Variants in GNG12 observed in about 807,000 individuals in gnomAD.
GNG12 encodes the protein guanine nucleotide-binding protein G(I)/G(S)/G(O) subunit gamma-12.
For missense variants in GNG12, 69 were observed against 83.8 expected, an observed-to-expected ratio of 0.82 and a Z score of 0.69; for synonymous variants, 28 against 29.7, an observed-to-expected ratio of 0.94 and a Z score of 0.19.
At chr1:67,709,385 A>G (rs1297305922) in intron 2 of GNG12, among the ~76,000 whole-genome samples, 1 of 152,170 alleles carries the variant, frequency 6.6e-6, no homozygotes, top group Non-Finnish European at 1.5e-5. Context: ...GGGTGGGGCT[A>G]TCGGCACCAG....
chr1:67,748,913 CAT>C (rs1168768497), intron 2 of GNG12, among the ~76,000 whole-genome samples: 1 of 152,072 alleles, frequency 6.6e-6, no homozygotes, highest in Admixed American at 6.5e-5. Flanking sequence ...TTCCATAACA[CAT>C]GTGAAGTCCA....
At chr1:67,756,379 T>G (rs751181996) in intron 2 of GNG12, among the ~76,000 whole-genome samples, 1 of 152,152 alleles carries the variant, frequency 6.6e-6, no homozygotes, top group African/African-American at 2.4e-5. Flanking sequence ...GCAAGGCCAG[T>G]TGAGGGGCTG....
At chr1:67,833,014 C>A (rs1256924037) in intron 1 of GNG12, among the ~76,000 whole-genome samples, 2 of 152,212 alleles carry the variant, frequency 1.3e-5, no homozygotes, top group Admixed American at 6.5e-5. Flanking sequence ...CCAGCCCTAG[C>A]CCCAGCCACA....
rs768444205 is a variant in GNG12, at chr1:67,705,531, C to A, written c.139G>T (p.Ala47Ser). The A allele has an allele frequency of 1.2e-6, 2 of 1,614,096 alleles. No individual in the cohort carries two copies. The highest frequency in any genetic ancestry group is 3.3e-5 in the Admixed American group (2 of 60,008). Residue 47 changes from alanine to serine, a missense_variant, in exon 4 of 4, where the codon GCC becomes TCC. Ala to Ser is a moderately conservative substitution (Grantham distance 99, BLOSUM62 1). Coordinates refer to ENST00000370982, the MANE Select transcript of GNG12 (RefSeq NM_018841.6). ...CCTATCAGCAAAGGGTCACTCCTGG[C>A]ATGTTCCTCACAGTAGGACATGAGG... ...ADLMSYCEEH[A>S]RSDPLLIGIP...
intron 2 of GNG12, among the ~76,000 whole-genome samples, chr1:67,751,931 A>G (rs1270411441): frequency 6.6e-6 from 1 of 152,240 alleles, no homozygotes; most frequent in African/African-American, 2.4e-5. Context: ...TAAGTGGCAC[A>G]ACAGAGATGC....
intron 1 of GNG12, among the ~76,000 whole-genome samples, chr1:67,830,478 C>T (rs1010813421): frequency 1.3e-5 from 2 of 152,174 alleles, no homozygotes; most frequent in African/African-American, 4.8e-5. Context: ...GACATCAGCA[C>T]ATGCAAAAGT....
intron 1 of GNG12, among the ~76,000 whole-genome samples, chr1:67,805,831 T>TA (rs775767498): frequency 0.048 from 6,282 of 131,164 alleles, 171 homozygotes; most frequent in Middle Eastern, 0.073. Context: ...AATAAATACT[T>TA]AAAAAAAAAA....
intron 2 of GNG12, among the ~76,000 whole-genome samples, chr1:67,741,477 C>T (rs1646482511): frequency 6.6e-6 from 1 of 152,216 alleles, no homozygotes; most frequent in Admixed American, 6.5e-5. Context: ...AACTGCCTGG[C>T]ATCTGTTTCC....
rs555164035 is a variant in GNG12, at chr1:67,817,536, C to A, written c.-77+15808G>T. 7.9e-5 allele frequency among the ~76,000 whole-genome samples: 12 copies of A among 151,926 alleles called. No individual in the cohort carries two copies. In the South Asian group the frequency reaches 2.5e-3, roughly 32 times the overall value. On this transcript the variant is annotated intron_variant, in intron 1 of 3. Transcript: ENST00000370982. ...CCCTAACTATGACCCCATTCCTGATCTCCCCAGTGCCTTGCCCTGGCTCAG... is the reference window on the plus strand; with the variant it reads ...CCCTAACTATGACCCCATTCCTGATATCCCCAGTGCCTTGCCCTGGCTCAG...
At chr1:67,749,715 G>A (rs1215003532) in intron 2 of GNG12, among the ~76,000 whole-genome samples, 1 of 152,106 alleles carries the variant, frequency 6.6e-6, no homozygotes, top group Non-Finnish European at 1.5e-5. Context: ...TCAGCCACAC[G>A]CCCATCTCCA....
At chr1:67,743,195 A>C (rs775812708) in intron 2 of GNG12, among the ~76,000 whole-genome samples, 1 of 152,170 alleles carries the variant, frequency 6.6e-6, no homozygotes, top group African/African-American at 2.4e-5. Flanking sequence ...GGAGAATAGG[A>C]GTAGGGGCAG....
chr1:67,729,072 G>A (rs550550151), intron 2 of GNG12, among the ~76,000 whole-genome samples: 2 of 152,224 alleles, frequency 1.3e-5, no homozygotes, highest in East Asian at 3.9e-4. Context: ...TTCAGATCCT[G>A]GCCCTCCCTT....
chr1:67,822,066 G>GA (rs11422955), intron 1 of GNG12, among the ~76,000 whole-genome samples: 50,370 of 148,606 alleles, frequency 0.34, 8,684 homozygotes, highest in Middle Eastern at 0.48. Context: ...CTGATGAGCT[G>GA]AAAAAAAAAA....
At chr1:67,804,385 C>T (rs1646883193) in intron 1 of GNG12, among the ~76,000 whole-genome samples, 3 of 152,200 alleles carry the variant, frequency 2.0e-5, no homozygotes, top group African/African-American at 7.2e-5. Context: ...TTTCCAAGCA[C>T]TCAGCTGGAG....
chr1:67,800,714 G>C (rs1646859602), intron 1 of GNG12, among the ~76,000 whole-genome samples: 1 of 152,066 alleles, frequency 6.6e-6, no homozygotes, highest in African/African-American at 2.4e-5. Context: ...GTGATGATAA[G>C]GGATATTACT....
chr1:67,821,445 G>A (rs185276279), intron 1 of GNG12, among the ~76,000 whole-genome samples: 2 of 152,300 alleles, frequency 1.3e-5, no homozygotes, highest in East Asian at 1.9e-4. Flanking sequence ...TCTAGGAGTC[G>A]AGGATGCCTC....
intron 1 of GNG12, among the ~76,000 whole-genome samples, chr1:67,817,787 C>CTTTTTTTT (rs66518207): frequency 3.4e-4 from 37 of 108,248 alleles, no homozygotes; most frequent in South Asian, 6.0e-4. Context: ...TTCTTTCTTT[C>CTTTTTTTT]TTTTTTTTTT....
chr1:67,779,926 A>G (rs1352596588), intron 1 of GNG12, among the ~76,000 whole-genome samples: 1 of 152,208 alleles, frequency 6.6e-6, no homozygotes, highest in African/African-American at 2.4e-5. Flanking sequence ...GTAGGCAACT[A>G]TAACACAATG....
At chr1:67,815,075 T>C (rs755470778) in intron 1 of GNG12, among the ~76,000 whole-genome samples, 2 of 152,212 alleles carry the variant, frequency 1.3e-5, no homozygotes, top group South Asian at 2.1e-4. Context: ...AGTGTTACCA[T>C]ACAAAAGACT....
Sources: allele counts gnomAD v4.1 joint callset (sites outside exome capture counted in the v4.1 genomes callset), GRCh38; gene constraint gnomAD v4.1.1; transcripts MANE v1.5; gene names NCBI Gene and HGNC (gene_info 2026-07-23, HGNC 2026-07-21).